OR52N4: variants seen among roughly 807,000 people sequenced by gnomAD.
OR52N4 encodes the protein olfactory receptor 52N4.
Under a neutral mutation model 15.0 loss-of-function variants are expected in OR52N4, and 15 were observed. The ratio of observed to expected loss-of-function variants is 1.00; its 90% CI spans 0.67 to 1.54. The LOEUF is 1.54. Ranked by LOEUF, OR52N4 falls within the 40% of genes most tolerant of loss-of-function variation. OR52N4 has a pLI of 0.00. For missense variants in OR52N4, 421 were observed against 394.0 expected, an observed-to-expected ratio of 1.07 and a Z score of -0.58; for synonymous variants, 143 against 143.7, an observed-to-expected ratio of 1.00 and a Z score of 0.03.
the OR52N4 span, chr11:5,736,994 A>G: frequency 6.2e-7 from 1 of 1,614,164 alleles, no homozygotes; most frequent in East Asian, 2.2e-5. Context: ...CATGGTGCTG[A>G]GAAATGGCTT....
chr11:5,737,405 C>T, the OR52N4 span: 4 of 1,614,062 alleles, frequency 2.5e-6, no homozygotes, highest in Non-Finnish European at 3.4e-6. Context: ...TTCCCTCAAC[C>T]CTACAGTTTA....
chr11:5,744,744 C>T, the OR52N4 span, among the ~76,000 whole-genome samples: 4 of 152,112 alleles, frequency 2.6e-5, no homozygotes, highest in Non-Finnish European at 5.9e-5. Context: ...GAAACCCTGT[C>T]TCTACTAAAA....
chr11:5,728,846 C>T, the OR52N4 span, among the ~76,000 whole-genome samples: 18 of 152,250 alleles, frequency 1.2e-4, no homozygotes, highest in Admixed American at 5.9e-4. Flanking sequence ...AGGGAGAGTA[C>T]TAGTATATGG....
At chr11:5,728,735 A>G in the OR52N4 span, among the ~76,000 whole-genome samples, 287 of 152,300 alleles carry the variant, frequency 1.9e-3, 1 homozygote, top group Middle Eastern at 3.4e-3. Context: ...TTTTATTGGG[A>G]CACTTCAAAT....
the OR52N4 span, chr11:5,736,398 A>G: frequency 3.6e-6 from 3 of 828,852 alleles, no homozygotes; most frequent in South Asian, 3.3e-5. Context: ...TTTAATCTAT[A>G]TAATTTCTAA....
At position 5,755,862 on chromosome 11, in the gene OR52N4, A is replaced by G; in HGVS notation, c.*156A>G. On this transcript the variant is annotated 3_prime_UTR_variant, in exon 2 of 2. Coordinates refer to ENST00000641350, the MANE Select transcript of OR52N4 (RefSeq NM_001005175.5). ...CAATAAGTACCTTGGGAATCTCAACATCATTGGAAGGCCCACCAACATTTC... is the reference window on the plus strand; with the variant it reads ...CAATAAGTACCTTGGGAATCTCAACGTCATTGGAAGGCCCACCAACATTTC... 1.1e-6 allele frequency: 1 copy of G among 871,578 alleles called. No individual in the cohort carries two copies. Among genetic ancestry groups the G allele is most frequent in the South Asian group, 1.9e-5 (1 of 52,536 alleles). 54.0% of individuals were successfully genotyped at this position (871,578 alleles called of 1,614,324 possible). A position where few individuals can be genotyped will look rare whatever the true frequency, so the allele number is the denominator to read the frequency against.
At chr11:5,730,990 G>T in the OR52N4 span, among the ~76,000 whole-genome samples, 2 of 151,974 alleles carry the variant, frequency 1.3e-5, no homozygotes, top group Admixed American at 1.3e-4. Flanking sequence ...AATTATATTA[G>T]TATTTGGAAT....
chr11:5,728,995 T>A, the OR52N4 span, among the ~76,000 whole-genome samples: 55 of 152,190 alleles, frequency 3.6e-4, no homozygotes, highest in South Asian at 5.0e-3. Flanking sequence ...ACCCATTAAC[T>A]CGTCCTTTAC....
chr11:5,733,041 T>C, the OR52N4 span, among the ~76,000 whole-genome samples: 1 of 152,190 alleles, frequency 6.6e-6, no homozygotes, highest in African/African-American at 2.4e-5. Flanking sequence ...CTCTATATCT[T>C]CATAGCTTAA....
chr11:5,744,582 A>G, the OR52N4 span, among the ~76,000 whole-genome samples: 1 of 152,232 alleles, frequency 6.6e-6, no homozygotes, highest in Admixed American at 6.5e-5. Context: ...ATGCATGCCC[A>G]TATGCCCCTG....
the OR52N4 span, chr11:5,737,131 C>A: frequency 6.2e-7 from 1 of 1,613,964 alleles, no homozygotes; most frequent in Non-Finnish European, 8.5e-7. Context: ...GGCCAAACAG[C>A]ATTTGCCAGT....
chr11:5,755,926 T>C lies in OR52N4; in HGVS notation c.*220T>C, dbSNP rs1854308832. ...CCTTCTCACTCATGTGAAGGACCAGTCTAATAATTAAACCATATTTTATTC... is the reference window on the plus strand; with the variant it reads ...CCTTCTCACTCATGTGAAGGACCAGCCTAATAATTAAACCATATTTTATTC... On this transcript the variant is annotated 3_prime_UTR_variant, in exon 2 of 2. Coordinates refer to ENST00000641350, the MANE Select transcript of OR52N4 (RefSeq NM_001005175.5). 2 of 537,650 alleles carry C rather than the reference T, an allele frequency of 3.7e-6. No individual in the cohort carries two copies. The highest frequency in any genetic ancestry group is 5.7e-5 in the South Asian group (2 of 35,272). The allele number at this position is 537,650 out of a possible 1,614,324, so 33.3% of individuals were successfully genotyped here. A position where few individuals can be genotyped will look rare whatever the true frequency, so the allele number is the denominator to read the frequency against.
At chr11:5,745,834 C>T in the OR52N4 span, among the ~76,000 whole-genome samples, 6 of 152,190 alleles carry the variant, frequency 3.9e-5, no homozygotes, top group East Asian at 1.2e-3. Flanking sequence ...TATCAGGTAA[C>T]ATCACATTAC....
chr11:5,745,454 GA>G, the OR52N4 span, among the ~76,000 whole-genome samples: 4 of 151,958 alleles, frequency 2.6e-5, no homozygotes, highest in African/African-American at 9.6e-5. Context: ...ACAATAACTA[GA>G]AAAAAATATA....
the OR52N4 span, chr11:5,734,177 A>G: frequency 8.8e-6 from 4 of 456,564 alleles, no homozygotes; most frequent in South Asian, 1.5e-5. Flanking sequence ...GTCTTTGCCC[A>G]GTAGAAAACT....
the OR52N4 span, chr11:5,736,202 A>C: frequency 3.5e-6 from 1 of 286,692 alleles, no homozygotes; most frequent in Non-Finnish European, 6.6e-6. Flanking sequence ...TTACAAGTCC[A>C]TGATATCAAA....
chr11:5,731,531 T>C, the OR52N4 span, among the ~76,000 whole-genome samples: 54,799 of 152,142 alleles, frequency 0.36, 10,622 homozygotes, highest in Non-Finnish European at 0.44. Flanking sequence ...GCTTCCTTCC[T>C]GTTCTTGGTC....
the OR52N4 span, chr11:5,727,420 G>C: frequency 6.6e-6 from 1 of 152,210 alleles, no homozygotes; most frequent in Non-Finnish European, 1.5e-5. Context: ...AGTTGTCAGG[G>C]TGTTTCAAAG....
the OR52N4 span, among the ~76,000 whole-genome samples, chr11:5,727,872 C>A: frequency 6.6e-6 from 1 of 152,160 alleles, no homozygotes; most frequent in Non-Finnish European, 1.5e-5. Flanking sequence ...GAAGATAGGA[C>A]AATATAGCCA....
Sources: allele counts gnomAD v4.1 joint callset (sites outside exome capture counted in the v4.1 genomes callset), GRCh38; gene constraint gnomAD v4.1.1; transcripts MANE v1.5; gene names NCBI Gene and HGNC (gene_info 2026-07-23, HGNC 2026-07-21).